The following BAALC variants were observed in gnomAD, a reference collection of about 807,000 sequenced individuals.
BAALC encodes the protein brain and acute leukemia cytoplasmic protein.
BAALC carries 9 observed loss-of-function variants against 15.5 expected under a neutral mutation model. The observed-to-expected ratio is 0.58, with a 90% CI of 0.35 to 1.02. BAALC has a LOEUF of 1.02. Among genes scored for constraint, BAALC ranks in the 50% least tolerant of loss-of-function variants. The pLI is 0.02. For synonymous variants in BAALC, 80 were observed against 74.6 expected, an observed-to-expected ratio of 1.07 and a Z score of -0.37; for missense variants, 201 against 192.4, an observed-to-expected ratio of 1.04 and a Z score of -0.27.
intron 2 of BAALC, among the ~76,000 whole-genome samples, chr8:103,217,906 T>G (rs1028894031): frequency 6.6e-6 from 1 of 152,172 alleles, no homozygotes; most frequent in African/African-American, 2.4e-5. Flanking sequence ...CAGACATGGC[T>G]TTTGCTCTGA....
At chr8:103,143,462 G>A (rs1280207993) in intron 1 of BAALC, among the ~76,000 whole-genome samples, 1 of 152,190 alleles carries the variant, frequency 6.6e-6, no homozygotes, top group Non-Finnish European at 1.5e-5. Context: ...GAAAGAGCCA[G>A]TAGATTCAGG....
chr8:103,188,526 G>A (rs1271277019), intron 1 of BAALC, among the ~76,000 whole-genome samples: 3 of 152,210 alleles, frequency 2.0e-5, no homozygotes, highest in Admixed American at 2.0e-4. Flanking sequence ...AATCACTAAT[G>A]AAGAATGTAT....
chr8:103,166,984 T>C (rs1811364204), intron 1 of BAALC, among the ~76,000 whole-genome samples: 1 of 152,210 alleles, frequency 6.6e-6, no homozygotes, highest in Non-Finnish European at 1.5e-5. Context: ...AACCTATTTC[T>C]AAGAATGATA....
At chr8:103,210,950 G>C (rs1812435802) in intron 1 of BAALC, among the ~76,000 whole-genome samples, 1 of 152,016 alleles carries the variant, frequency 6.6e-6, no homozygotes, top group Non-Finnish European at 1.5e-5. Flanking sequence ...TGAAAACATT[G>C]TTTCATAGTC....
At chr8:103,154,556 T>C (rs1190841787) in intron 1 of BAALC, 2 of 154,188 alleles carry the variant, frequency 1.3e-5, no homozygotes, top group African/African-American at 4.8e-5. Flanking sequence ...ATCTACTGAA[T>C]ACAAATGTCT....
At chr8:103,141,722 C>T (rs554217531) in intron 1 of BAALC, among the ~76,000 whole-genome samples, 3 of 152,236 alleles carry the variant, frequency 2.0e-5, no homozygotes, top group Non-Finnish European at 4.4e-5. Context: ...TCTCTCCCTA[C>T]CCTATGGTGT....
At chr8:103,211,385 T>C (rs1330292209) in intron 1 of BAALC, among the ~76,000 whole-genome samples, 1 of 152,198 alleles carries the variant, frequency 6.6e-6, no homozygotes, top group Non-Finnish European at 1.5e-5. Context: ...TATTGAGGGT[T>C]TTTTCTTTCA....
intron 1 of BAALC, among the ~76,000 whole-genome samples, chr8:103,187,201 G>C (rs1045269716): frequency 3.9e-5 from 6 of 152,122 alleles, no homozygotes; most frequent in African/African-American, 1.4e-4. Flanking sequence ...GGCTGGGCAT[G>C]ATTGCCACTT....
At chr8:103,157,061 A>G (rs991560744) in intron 1 of BAALC, 1 of 152,250 alleles carries the variant, frequency 6.6e-6, no homozygotes, top group African/African-American at 2.4e-5. Context: ...GCAAAAAATT[A>G]GTGTGGAATG....
At position 103,154,232 on chromosome 8, in the gene BAALC, G is replaced by T. The variant is rs541879322; in HGVS notation, c.160+13175G>T. 1.4e-4 allele frequency among the ~76,000 whole-genome samples: 21 copies of T among 152,240 alleles called. No individual in the cohort carries two copies. The East Asian group carries it at 3.9e-3, about 28-fold the overall frequency. On this transcript the variant is annotated intron_variant, in intron 1 of 2. Coordinates refer to ENST00000309982, the MANE Select transcript of BAALC (RefSeq NM_024812.3). The stretch of plus-strand genomic sequence containing the variant: ...CTCTGTTATTTCCATTTTACAGAAG[G>T]GGGTAGTCAGAGCGGTGGGATGGCT...
intron 1 of BAALC, among the ~76,000 whole-genome samples, chr8:103,181,488 G>T (rs980847937): frequency 1.3e-5 from 2 of 152,066 alleles, no homozygotes; most frequent in Admixed American, 6.5e-5. Context: ...TAGCCAGGAT[G>T]GTCTCGATCT....
chr8:103,213,359 T>C (rs1812494147), intron 2 of BAALC: 1 of 340,400 alleles, frequency 2.9e-6, no homozygotes, highest in Non-Finnish European at 5.5e-6. Context: ...ACCATGTTGA[T>C]GGTGAGGACT....
chr8:103,146,521 G>T (rs1810884701), intron 1 of BAALC, among the ~76,000 whole-genome samples: 1 of 152,168 alleles, frequency 6.6e-6, no homozygotes, highest in African/African-American at 2.4e-5. Context: ...GTTAGATAAG[G>T]TTTCATTTCA....
chr8:103,218,029 G>A (rs1020972591), intron 2 of BAALC, among the ~76,000 whole-genome samples: 3 of 152,108 alleles, frequency 2.0e-5, no homozygotes, highest in African/African-American at 7.2e-5. Flanking sequence ...ACTAGTCAGG[G>A]GTAGCAGCTA....
At chr8:103,200,871 T>C (rs1356926119) in intron 1 of BAALC, 1 of 517,050 alleles carries the variant, frequency 1.9e-6, no homozygotes, top group Admixed American at 2.4e-5. Flanking sequence ...CTTAATACTA[T>C]TGCATTGGGG....
At chr8:103,160,170 A>G (rs1401491064) in intron 1 of BAALC, among the ~76,000 whole-genome samples, 2 of 152,202 alleles carry the variant, frequency 1.3e-5, no homozygotes, top group South Asian at 2.1e-4. Flanking sequence ...CAAAATGCAC[A>G]AACAAAGCAA....
chr8:103,174,282 A>G (rs1043923951), intron 1 of BAALC, among the ~76,000 whole-genome samples: 1 of 144,854 alleles, frequency 6.9e-6, no homozygotes, highest in Non-Finnish European at 1.5e-5. Context: ...AAAAAGTGCC[A>G]GTCTGTTCTG....
intron 1 of BAALC, among the ~76,000 whole-genome samples, chr8:103,157,201 G>T (rs1811114462): frequency 6.6e-6 from 1 of 151,784 alleles, no homozygotes; most frequent in Non-Finnish European, 1.5e-5. Flanking sequence ...ACACCATCTG[G>T]TTGCAATTGC....
chr8:103,177,936 C>T (rs1016137125), intron 1 of BAALC, among the ~76,000 whole-genome samples: 20 of 152,162 alleles, frequency 1.3e-4, no homozygotes, highest in African/African-American at 4.8e-4. Context: ...GAAGAAGGAA[C>T]TAAATCACAT....
Sources: allele counts gnomAD v4.1 joint callset (sites outside exome capture counted in the v4.1 genomes callset), GRCh38; gene constraint gnomAD v4.1.1; transcripts MANE v1.5; gene names NCBI Gene and HGNC (gene_info 2026-07-23, HGNC 2026-07-21).